The following ENDOV variants were observed in gnomAD, a reference collection of about 807,000 sequenced individuals.
ENDOV encodes endonuclease V.
In ENDOV, 37 loss-of-function variants were observed where a neutral mutation model predicts 39.4. The observed-to-expected ratio is 0.94, with a 90% CI of 0.72 to 1.23. The LOEUF is 1.23. Ranked by LOEUF, ENDOV falls within the 50% of genes most tolerant of loss-of-function variation. The pLI, the probability that ENDOV is intolerant of heterozygous loss-of-function variation, is 0.00. For missense variants in ENDOV, 441 were observed against 375.7 expected (o/e 1.17, Z -1.44); for synonymous variants, 186 against 163.4 (o/e 1.14, Z -1.05).
intron 2 of ENDOV, among the ~76,000 whole-genome samples, chr17:80,416,710 C>CCCTTCCTT (rs765690073): frequency 5.1e-5 from 7 of 137,400 alleles, no homozygotes; most frequent in African/African-American, 2.9e-5. Context: ...CTCCCTCCCT[C>CCCTTCCTT]CCTTCCTTCC....
Position 80,415,663 on chromosome 17 carries a change from C to A in ENDOV, c.70C>A (p.Leu24Met). 6.2e-7 allele frequency: 1 copy of A among 1,612,576 alleles called. No individual in the cohort carries two copies. Among genetic ancestry groups the A allele is most frequent in the Non-Finnish European group, 8.5e-7 (1 of 1,179,384 alleles). ...LSLWKREQAR[L>M]KAHVVDRDTE... is the part of the protein sequence containing the mutation. ...CTGTCCTCCTAGGGAGCAAGCTCGG[C>A]TGAAGGCCCACGTCGTAGACCGGGA... is the stretch of plus-strand genomic sequence containing the variant. Residue 24 changes from leucine to methionine, a missense_variant, in exon 2 of 10, where the codon CTG (leucine) becomes ATG (methionine). Leu to Met is a conservative substitution (Grantham distance 15). Coordinates refer to ENST00000518137, the MANE Select transcript of ENDOV (RefSeq NM_173627.5).
chr17:80,422,335 G>A, intron 4 of ENDOV, 90 bp downstream of exon 4: 2 of 1,500,812 alleles, frequency 1.3e-6, no homozygotes, highest in Admixed American at 1.9e-5. Flanking sequence ...AAAATGCTGG[G>A]CCCTCGGCCT....
intron 2 of ENDOV, chr17:80,417,055 C>T (rs1483889858): frequency 6.6e-6 from 1 of 152,196 alleles, no homozygotes; most frequent in Non-Finnish European, 1.5e-5. Context: ...ACACCCAGCC[C>T]ACAAGTCCTC....
At chr17:80,421,153 TC>T (rs1351954727) in intron 2 of ENDOV, among the ~76,000 whole-genome samples, 1 of 150,180 alleles carries the variant, frequency 6.7e-6, no homozygotes, top group Non-Finnish European at 1.5e-5. Flanking sequence ...GCGGACCTGA[TC>T]CCAGGGAATC....
intron 4 of ENDOV, among the ~76,000 whole-genome samples, chr17:80,423,147 C>T (rs1298171766): frequency 2.0e-5 from 3 of 152,216 alleles, no homozygotes; most frequent in East Asian, 3.9e-4. Flanking sequence ...GGTGCAGAGC[C>T]AAAGGGTTGT....
rs372441992 is a variant in ENDOV, at chr17:80,429,993, C to T, written c.838+162C>T. Reference sequence around the variant, plus strand: ...CGTTCTGGCCTCAGGACACTGACCACCCCTGGGGGTGGTCTAGGGACTTAG... The same window carrying T: ...CGTTCTGGCCTCAGGACACTGACCATCCCTGGGGGTGGTCTAGGGACTTAG... On this transcript the variant is annotated intron_variant, in intron 9 of 9. Coordinates refer to ENST00000518137, the MANE Select transcript of ENDOV (RefSeq NM_173627.5). The T allele has an allele frequency of 7.1e-6, 11 of 1,540,254 alleles. No individual in the cohort carries two copies. In the African/African-American group the frequency reaches 1.4e-4, roughly 19 times the overall value.
At chr17:80,427,851 G>A in intron 7 of ENDOV, 1 of 1,276,872 alleles carries the variant, frequency 7.8e-7, no homozygotes, top group Non-Finnish European at 1.0e-6. Flanking sequence ...CCAGGGGAAG[G>A]TGAGAGGTGC....
At chr17:80,428,930 TCC>T (rs1402451146) in intron 8 of ENDOV, among the ~76,000 whole-genome samples, 4 of 152,164 alleles carry the variant, frequency 2.6e-5, no homozygotes, top group Non-Finnish European at 5.9e-5. Context: ...AAGCCCTACC[TCC>T]CAATAGGGCT....
chr17:80,422,803 C>T (rs1375713007), intron 4 of ENDOV, among the ~76,000 whole-genome samples: 1 of 152,100 alleles, frequency 6.6e-6, no homozygotes, highest in Non-Finnish European at 1.5e-5. Context: ...GGGTTCATGC[C>T]ACTCTCCTGC....
chr17:80,423,799 A>G (rs926824997), intron 5 of ENDOV, 167 bp downstream of exon 5: 3 of 647,580 alleles, frequency 4.6e-6, no homozygotes. Context: ...TGGGTGCTGC[A>G]TTGCCTGTCT....
chr17:80,428,572 C>T, intron 7 of ENDOV, 24 bp from the exon 8 acceptor site: 1 of 1,566,840 alleles, frequency 6.4e-7, no homozygotes, highest in Admixed American at 1.9e-5. Context: ...GCTCAGCACC[C>T]AGCAGCACGT....
At position 80,425,507 on chromosome 17, in the gene ENDOV, GAC is replaced by G; in HGVS notation, c.602_603del (p.Asp201AlafsTer39). 6.3e-7 allele frequency: 1 copy of G among 1,598,280 alleles called. No individual in the cohort carries two copies. Among genetic ancestry groups the G allele is most frequent in the African/African-American group, 1.3e-5 (1 of 74,846 alleles). ...TVLGMALRSH[D>X]RSTRPLYISV... ...CTTGTCACAGGCCCTGAGGAGCCAC[GAC>G]CGCAGCACCAGGCCCCTCTACATCT... is the stretch of plus-strand genomic sequence containing the variant. On this transcript the variant is annotated frameshift_variant, in exon 7 of 10. Coordinates refer to ENST00000518137, the MANE Select transcript of ENDOV (RefSeq NM_173627.5). LOFTEE classifies it high-confidence loss of function.
chr17:80,415,420 T>C (rs1208302875), intron 1 of ENDOV, 170 bp downstream of exon 1: 5 of 1,022,528 alleles, frequency 4.9e-6, no homozygotes, highest in Non-Finnish European at 7.0e-6. Context: ...GGAATTGTAG[T>C]CCGCGGGGTG....
chr17:80,421,711 G>T (rs938789763), intron 2 of ENDOV, 117 bp from the exon 3 acceptor site: 6 of 1,336,534 alleles, frequency 4.5e-6, no homozygotes, highest in Non-Finnish European at 5.1e-6. Context: ...GGGAAGGGGA[G>T]CCATGAGGGT....
chr17:80,436,025 G>T, intron 9 of ENDOV, 108 bp from the exon 10 acceptor site: 1 of 1,286,966 alleles, frequency 7.8e-7, no homozygotes, highest in Non-Finnish European at 1.1e-6. Context: ...CAAGTGCTGA[G>T]ATTACAGGCG....
At chr17:80,421,727 A>C in intron 2 of ENDOV, 101 bp from the exon 3 acceptor site, 4 of 1,451,520 alleles carry the variant, frequency 2.8e-6, no homozygotes, top group Non-Finnish European at 3.7e-6. Context: ...AGGGTGACGT[A>C]AGGGAGAGGG....
intron 7 of ENDOV, among the ~76,000 whole-genome samples, chr17:80,428,201 G>T (rs41300772): frequency 0.014 from 2,083 of 152,314 alleles, 52 homozygotes; most frequent in African/African-American, 0.047. Context: ...CCCCAGAGAA[G>T]CAAGTGTTAG....
At chr17:80,425,210 C>A (rs2082542401) in intron 6 of ENDOV, 110 bp downstream of exon 6, 1 of 946,538 alleles carries the variant, frequency 1.1e-6, no homozygotes, top group Non-Finnish European at 1.6e-6. Context: ...CCACATCAAC[C>A]CCCCGCCTGC....
intron 1 of ENDOV, 67 bp from the exon 2 acceptor site, chr17:80,415,583 C>T: frequency 6.5e-7 from 1 of 1,548,360 alleles, no homozygotes; most frequent in Non-Finnish European, 8.8e-7. Context: ...CCGCTGCAGC[C>T]GCGCGGGTGG....
Sources: allele counts gnomAD v4.1 joint callset (sites outside exome capture counted in the v4.1 genomes callset), GRCh38; gene constraint gnomAD v4.1.1; transcripts MANE v1.5; gene names NCBI Gene and HGNC (gene_info 2026-07-23, HGNC 2026-07-21).